The following ROBO1 variants were observed in gnomAD, a reference collection of about 807,000 sequenced individuals.
The protein encoded by ROBO1 is roundabout guidance receptor 1.
In ROBO1, 149 loss-of-function variants were observed where a neutral mutation model predicts 195.9. The ratio of observed to expected loss-of-function variants is 0.76; its 90% CI spans 0.67 to 0.87. The LOEUF is 0.87. Ranked by LOEUF, ROBO1 falls within the 40% of genes least tolerant of loss-of-function variation. ROBO1 has a pLI of 0.00. For missense variants in ROBO1, 1,933 were observed against 2,068.3 expected, an observed-to-expected ratio of 0.93 and a Z score of 1.27; for synonymous variants, 816 against 733.2, an observed-to-expected ratio of 1.11 and a Z score of -1.82.
At chr3:78,916,826 G>T (rs1401838764) in intron 4 of ROBO1, among the ~76,000 whole-genome samples, 2 of 151,972 alleles carry the variant, frequency 1.3e-5, no homozygotes, top group African/African-American at 4.8e-5. Flanking sequence ...GTGAATTCAG[G>T]TATTCTATTT....
rs979694791 is a variant in ROBO1, at chr3:78,678,060, G to A, written c.1342+7686C>T. On this transcript the variant is annotated intron_variant, in intron 10 of 30. Coordinates refer to ENST00000464233, the MANE Select transcript of ROBO1 (RefSeq NM_002941.4). ...CAACTACATGGAAACTGAACAACCT[G>A]CTCCTGAATGACTACTGGGTGCATA... Among the ~76,000 whole-genome samples the A allele has an allele frequency of 6.5e-4, 99 of 152,104 alleles. 1 individual carries two copies. Among genetic ancestry groups the A allele is most frequent in the Non-Finnish European group, 1.8e-4 (12 of 68,038 alleles).
intron 4 of ROBO1, among the ~76,000 whole-genome samples, chr3:78,852,289 C>T (rs2034113873): frequency 6.6e-6 from 1 of 152,122 alleles, no homozygotes; most frequent in East Asian, 1.9e-4. Context: ...ACCTCTGTAA[C>T]ATATCTAGAG....
At chr3:79,514,830 C>A (rs941840620) in intron 2 of ROBO1, among the ~76,000 whole-genome samples, 4 of 152,128 alleles carry the variant, frequency 2.6e-5, no homozygotes, top group Admixed American at 2.6e-4. Flanking sequence ...ATGAACTACT[C>A]ATTGAACTTT....
intron 2 of ROBO1, among the ~76,000 whole-genome samples, chr3:79,581,729 T>C (rs1187386204): frequency 1.3e-5 from 2 of 152,062 alleles, no homozygotes; most frequent in Non-Finnish European, 2.9e-5. Flanking sequence ...AATTTATACA[T>C]ATAAACACAC....
intron 4 of ROBO1, among the ~76,000 whole-genome samples, chr3:78,856,266 C>T (rs2034420450): frequency 1.4e-5 from 2 of 139,486 alleles, no homozygotes; most frequent in South Asian, 5.0e-4. Context: ...TACATTTAAC[C>T]TACAACAAAT....
chr3:79,620,601 C>T (rs1213629742), intron 1 of ROBO1, among the ~76,000 whole-genome samples: 1 of 151,996 alleles, frequency 6.6e-6, no homozygotes, highest in East Asian at 1.9e-4. Flanking sequence ...TATCTGCTTC[C>T]CAGACTATTC....
chr3:79,455,099 G>A (rs1276528056), intron 2 of ROBO1, among the ~76,000 whole-genome samples: 1 of 151,816 alleles, frequency 6.6e-6, no homozygotes, highest in African/African-American at 2.4e-5. Flanking sequence ...TAAAAACTCA[G>A]CGAGTTTAGT....
intron 4 of ROBO1, among the ~76,000 whole-genome samples, chr3:78,838,976 A>C (rs2032969994): frequency 6.6e-6 from 1 of 152,180 alleles, no homozygotes; most frequent in Non-Finnish European, 1.5e-5. Flanking sequence ...TCATGTTTTC[A>C]ACTATTTTTA....
intron 2 of ROBO1, among the ~76,000 whole-genome samples, chr3:79,530,755 C>CCCCA (rs1491090736): frequency 4.3e-4 from 55 of 128,132 alleles, no homozygotes; most frequent in Non-Finnish European, 5.3e-4. Flanking sequence ...CACCTTGTAA[C>CCCCA]CACACACACA....
At chr3:78,948,328 G>A (rs1347398068) in intron 3 of ROBO1, among the ~76,000 whole-genome samples, 2 of 152,142 alleles carry the variant, frequency 1.3e-5, no homozygotes, top group East Asian at 3.9e-4. Flanking sequence ...GATCAAGTGG[G>A]CTTCATCCCT....
chr3:78,602,086 T>C (rs1293761449), intron 29 of ROBO1, among the ~76,000 whole-genome samples: 1 of 151,868 alleles, frequency 6.6e-6, no homozygotes, highest in Non-Finnish European at 1.5e-5. Flanking sequence ...AGATGAATGA[T>C]ATAGTTTGGA....
chr3:78,617,854 G>A lies in ROBO1; in HGVS notation c.4063C>T (p.Pro1355Ser). ...TCCAGGTCCCCAACACTGGAGGCAG[G>A]TGTCTGCTCAAGCCCACGTAACAAA... ...RLLLRGLEQTPASSVGDLESS... is the reference protein window; with the variant it reads ...RLLLRGLEQTSASSVGDLESS... Residue 1355 changes from proline to serine, a missense_variant, in exon 27 of 31, where the codon CCT becomes TCT. By Grantham distance (74) the Pro-to-Ser change is moderately conservative. Coordinates refer to ENST00000464233, the MANE Select transcript of ROBO1 (RefSeq NM_002941.4). 6.2e-7 allele frequency: 1 copy of A among 1,614,010 alleles called. No individual in the cohort carries two copies.
intron 1 of ROBO1, among the ~76,000 whole-genome samples, chr3:79,756,550 C>CAA (rs147939503): frequency 1.4e-3 from 154 of 106,224 alleles, no homozygotes; most frequent in African/African-American, 3.8e-3. Context: ...AGCACCATCT[C>CAA]AAAAAAAAAA....
intron 3 of ROBO1, among the ~76,000 whole-genome samples, chr3:78,947,005 G>A (rs1055234965): frequency 1.3e-5 from 2 of 152,108 alleles, no homozygotes; most frequent in African/African-American, 2.4e-5. Flanking sequence ...CAATACAGGA[G>A]CACCCAGATT....
chr3:79,706,718 T>C (rs9827295), intron 1 of ROBO1, among the ~76,000 whole-genome samples: 47,521 of 151,948 alleles, frequency 0.31, 9,115 homozygotes, highest in African/African-American at 0.55. Flanking sequence ...CCATGTAAAA[T>C]ATGACTTGCT....
At chr3:79,758,826 A>G (rs72903658) in intron 1 of ROBO1, among the ~76,000 whole-genome samples, 1,612 of 152,284 alleles carry the variant, frequency 0.011, 27 homozygotes, top group African/African-American at 0.036. Flanking sequence ...GAAGAACTCA[A>G]ACTTGAAGTC....
chr3:79,150,860 T>C (rs1394211908), intron 2 of ROBO1, among the ~76,000 whole-genome samples: 1 of 151,700 alleles, frequency 6.6e-6, no homozygotes, highest in Non-Finnish European at 1.5e-5. Flanking sequence ...TCCTCTACCT[T>C]ATCTTGCAAA....
chr3:78,827,670 G>A (rs1227470334), intron 4 of ROBO1, among the ~76,000 whole-genome samples: 1 of 152,144 alleles, frequency 6.6e-6, no homozygotes, highest in African/African-American at 2.4e-5. Flanking sequence ...TCGAAGCTCT[G>A]AAATCTGCAG....
chr3:78,903,204 A>G (rs1479369403), intron 4 of ROBO1, among the ~76,000 whole-genome samples: 2 of 152,134 alleles, frequency 1.3e-5, no homozygotes, highest in African/African-American at 4.8e-5. Flanking sequence ...ATCCTCAAAG[A>G]GGTGCATTTT....
Sources: gnomAD v4.1 joint callset for allele counts (sites outside exome capture counted in the v4.1 genomes callset) on GRCh38, gnomAD v4.1.1 for gene constraint, MANE v1.5 for transcripts, NCBI Gene and HGNC (gene_info 2026-07-23, HGNC 2026-07-21) for gene names.